IHO1: variants seen among roughly 807,000 people sequenced by gnomAD.
IHO1 encodes interactor of HORMAD1 protein 1.
IHO1 carries 13 observed loss-of-function variants against 31.0 expected under a neutral mutation model. That is an observed-to-expected ratio of 0.42 (90% CI 0.27 to 0.67). The LOEUF is 0.67. Among genes scored for constraint, IHO1 ranks in the 30% least tolerant of loss-of-function variants. The pLI is 0.24. For synonymous variants in IHO1, 221 were observed against 248.4 expected, an observed-to-expected ratio of 0.89 and a Z score of 1.04; for missense variants, 599 against 687.5, an observed-to-expected ratio of 0.87 and a Z score of 1.44.
At position 49,221,259 on chromosome 3, in the gene IHO1, G is replaced by A. The variant is rs537027675; in HGVS notation, c.56+9423G>A. On this transcript the variant is annotated intron_variant, in intron 2 of 7. Coordinates refer to ENST00000452691, the MANE Select transcript of IHO1 (RefSeq NM_001135197.2). ...ATTTTTACAGAGTGCTGATTGGTGC[G>A]TTTACAATCCTTTAGCTAGACACAG... 3.6e-4 allele frequency among the ~76,000 whole-genome samples: 54 copies of A among 151,042 alleles called. 1 individual carries two copies. Among genetic ancestry groups the A allele is most frequent in the Middle Eastern group, 6.8e-3 (2 of 294 alleles).
chr3:49,247,745 T>A (rs2046711826), intron 6 of IHO1, among the ~76,000 whole-genome samples: 1 of 151,230 alleles, frequency 6.6e-6, no homozygotes, highest in Admixed American at 6.6e-5. Context: ...GCCAAGATGG[T>A]GCCACTGCAC....
At chr3:49,217,649 AAAAAAAAAG>A (rs1026127269) in intron 2 of IHO1, among the ~76,000 whole-genome samples, 2 of 152,168 alleles carry the variant, frequency 1.3e-5, no homozygotes, top group African/African-American at 4.8e-5. Context: ...TAATAAAAAA[AAAAAAAAAG>A]AAAAAATTAT....
intron 7 of IHO1, 102 bp downstream of exon 7, chr3:49,255,595 T>C: frequency 1.4e-6 from 1 of 700,440 alleles, no homozygotes; most frequent in Non-Finnish European, 2.3e-6. Context: ...AGAGTCTCGC[T>C]TTGTCGTGCG....
At chr3:49,200,483 G>GAAAGAA (rs1553615450) in intron 1 of IHO1, 4 of 496,904 alleles carry the variant, frequency 8.0e-6, no homozygotes, top group Non-Finnish European at 9.9e-6. Flanking sequence ...AAAAAAGAAA[G>GAAAGAA]AAAGAAAGAA....
the IHO1 span, among the ~76,000 whole-genome samples, chr3:49,192,346 A>G: frequency 6.6e-6 from 1 of 152,196 alleles, no homozygotes; most frequent in Non-Finnish European, 1.5e-5. Flanking sequence ...GGAACATGCA[A>G]AGATTTGACA....
intron 2 of IHO1, 144 bp from the exon 3 acceptor site, chr3:49,236,404 T>G (rs1254490158): frequency 1.7e-6 from 1 of 576,238 alleles, no homozygotes; most frequent in South Asian, 2.6e-5. Context: ...TGTGTTTCAT[T>G]GTACTGACAA....
intron 6 of IHO1, 196 bp downstream of exon 6, chr3:49,244,929 C>A: frequency 1.6e-6 from 1 of 640,706 alleles, no homozygotes; most frequent in Non-Finnish European, 2.8e-6. Flanking sequence ...TGTGACAATG[C>A]TCTGGTCCCA....
At chr3:49,214,249 G>GT (rs1297198555) in intron 2 of IHO1, among the ~76,000 whole-genome samples, 4 of 152,164 alleles carry the variant, frequency 2.6e-5, no homozygotes, top group Admixed American at 2.6e-4. Context: ...TATATGTTCA[G>GT]TTGTACAGTG....
At chr3:49,225,771 A>G (rs2046410174) in intron 2 of IHO1, among the ~76,000 whole-genome samples, 1 of 152,204 alleles carries the variant, frequency 6.6e-6, no homozygotes, top group African/African-American at 2.4e-5. Flanking sequence ...CTTGGATGGT[A>G]ACAGACCTTG....
chr3:49,255,689 T>TA (rs890258528), intron 7 of IHO1, among the ~76,000 whole-genome samples, 196 bp downstream of exon 7: 4 of 151,480 alleles, frequency 2.6e-5, no homozygotes, highest in Admixed American at 2.6e-4. Context: ...AGCTAGGACT[T>TA]ACAGGTGTGC....
rs540062212 is a variant in IHO1 at position 49,216,753 on chromosome 3, G to A, written c.56+4917G>A. ...TTTTGCAATCTACACATCTGATAAAGGGCTAATATCCAGAATCTACAAAGA... is the reference window on the plus strand; with the variant it reads ...TTTTGCAATCTACACATCTGATAAAAGGCTAATATCCAGAATCTACAAAGA... On this transcript the variant is annotated intron_variant, in intron 2 of 7. Coordinates refer to ENST00000452691, the MANE Select transcript of IHO1 (RefSeq NM_001135197.2). Among the ~76,000 whole-genome samples the A allele has an allele frequency of 6.6e-5, 10 of 152,210 alleles. 1 individual carries two copies. In the South Asian group the frequency reaches 2.1e-3, roughly 32 times the overall value.
chr3:49,191,576 C>T, the IHO1 span: 2 of 749,174 alleles, frequency 2.7e-6, no homozygotes, highest in Non-Finnish European at 4.7e-6. Flanking sequence ...GAAGACTAGG[C>T]AGCCTCCAGG....
the IHO1 span, chr3:49,191,654 A>C: frequency 2.1e-6 from 3 of 1,452,052 alleles, no homozygotes; most frequent in Non-Finnish European, 2.9e-6. Flanking sequence ...ATGCCAAATG[A>C]AAACCTTTTC....
chr3:49,208,763 T>C (rs1414691506), intron 1 of IHO1, among the ~76,000 whole-genome samples: 2 of 152,218 alleles, frequency 1.3e-5, no homozygotes, highest in Admixed American at 1.3e-4. Context: ...TCCCCACTTA[T>C]GCTGTCCAGA....
rs746161192 is a variant in IHO1, at chr3:49,228,315, C to A, written c.57-8233C>A. On this transcript the variant is annotated intron_variant, in intron 2 of 7. Coordinates refer to ENST00000452691, the MANE Select transcript of IHO1 (RefSeq NM_001135197.2). ...AAAGCAGAAGCTGGTTCCAGGCAAA[C>A]CAATGCTCTCCACTCCGAAGAGTCA... 5.6e-5 allele frequency: 25 copies of A among 449,284 alleles called. 1 individual carries two copies. The highest frequency in any genetic ancestry group is 2.5e-4 in the South Asian group (16 of 63,154). 27.8% of individuals were successfully genotyped at this position (449,284 alleles called of 1,614,324 possible).
chr3:49,213,534 C>G (rs1203537593), intron 2 of IHO1, among the ~76,000 whole-genome samples: 1 of 152,386 alleles, frequency 6.6e-6, no homozygotes, highest in South Asian at 2.1e-4. Context: ...ACACCATGTG[C>G]CCACACTCCT....
At chr3:49,218,252 C>T (rs935905182) in intron 2 of IHO1, among the ~76,000 whole-genome samples, 1 of 151,996 alleles carries the variant, frequency 6.6e-6, no homozygotes. Context: ...CAAAGAAGGA[C>T]AGCTCCGGCT....
Position 49,256,947 on chromosome 3 carries a change from G to A in IHO1, c.1450G>A (p.Val484Ile), listed in dbSNP as rs1341731721. The A allele has an allele frequency of 3.7e-6, 6 of 1,614,104 alleles. No homozygotes were observed. The Admixed American group carries it at 5.0e-5, about 13-fold the overall frequency. ...TCAGAGTCCTCAGCCTGCAATTTCT[G>A]TCCCTCAAAGCCCCTTCCTGGGGCA... ...KYQSPQPAIS[V>I]PQSPFLGQQE... is the part of the protein sequence containing the mutation. Residue 484 changes from valine (V) to isoleucine (I), a missense_variant, in exon 8 of 8, where the codon GTC becomes ATC. Coordinates refer to ENST00000452691, the MANE Select transcript of IHO1 (RefSeq NM_001135197.2). The surrounding 1 kb of genome is among the most constrained non-coding windows in gnomAD (Gnocchi z 4.6).
chr3:49,220,189 T>C (rs2107697860), intron 2 of IHO1, among the ~76,000 whole-genome samples: 1 of 152,348 alleles, frequency 6.6e-6, no homozygotes, highest in South Asian at 2.1e-4. Flanking sequence ...GGAAATATTA[T>C]AGCTACATTT....
Sources: gnomAD v4.1 joint callset for allele counts (sites outside exome capture counted in the v4.1 genomes callset) on GRCh38, gnomAD v4.1.1 for gene constraint, Gnocchi (gnomAD v3.1) non-coding constraint, MANE v1.5 for transcripts, NCBI Gene and HGNC (gene_info 2026-07-23, HGNC 2026-07-21) for gene names.